THSD7A: variants seen among roughly 807,000 people sequenced by gnomAD.
The protein encoded by THSD7A is thrombospondin type 1 domain containing 7A.
In THSD7A, 96 loss-of-function variants were observed where a neutral mutation model predicts 231.3. The observed-to-expected ratio is 0.41, with a 90% CI of 0.35 to 0.49. THSD7A has a LOEUF of 0.49. Among genes scored for constraint, THSD7A ranks in the 20% least tolerant of loss-of-function variants. The probability of loss-of-function intolerance (pLI) is 0.05; values close to 1 mark genes in which losing one functional copy is unlikely to be tolerated. For synonymous variants in THSD7A, 940 were observed against 743.3 expected (o/e 1.26, Z -4.30); for missense variants, 2,290 against 2,070.2 (o/e 1.11, Z -2.06).
intron 1 of THSD7A, among the ~76,000 whole-genome samples, chr7:11,650,318 T>C (rs1018225444): frequency 8.5e-5 from 13 of 152,072 alleles, no homozygotes; most frequent in Admixed American, 4.6e-4. Flanking sequence ...TTCTGAATCT[T>C]TGATGCAACA....
intron 6 of THSD7A, among the ~76,000 whole-genome samples, chr7:11,521,983 T>C (rs764039037): frequency 2.1e-4 from 32 of 152,276 alleles, no homozygotes; most frequent in Non-Finnish European, 3.5e-4. Context: ...GTTCCTGATA[T>C]AGGATTGAGC....
At chr7:11,560,059 T>G (rs2128329221) in intron 4 of THSD7A, among the ~76,000 whole-genome samples, 1 of 152,248 alleles carries the variant, frequency 6.6e-6, no homozygotes, top group East Asian at 1.9e-4. Flanking sequence ...AGGTATTGAA[T>G]AACGTTATGT....
At chr7:11,674,575 G>T (rs1453986679) in intron 1 of THSD7A, among the ~76,000 whole-genome samples, 3 of 152,082 alleles carry the variant, frequency 2.0e-5, no homozygotes, top group Non-Finnish European at 4.4e-5. Flanking sequence ...TGCAACAAAG[G>T]AACCTGTACA....
chr7:11,426,582 AAGAAG>A lies in THSD7A; in HGVS notation c.3249+79_3249+83del, dbSNP rs1283366322. 2.9e-6 allele frequency: 4 copies of A among 1,373,634 alleles called. No homozygotes were observed. In the African/African-American group the frequency reaches 5.9e-5, roughly 20 times the overall value. The allele number at this position is 1,373,634 out of a possible 1,614,324, so 85.1% of individuals were successfully genotyped here. ...CCCTGTAAAACATAAAAGACAAAGC[AAGAAG>A]AGAAATGTATTCTCAGAAATCAGGA... On this transcript the variant is annotated intron_variant, in intron 15 of 27. Transcript: ENST00000423059.
chr7:11,809,580 A>AT (rs1043552459), intron 1 of THSD7A, among the ~76,000 whole-genome samples: 13 of 152,010 alleles, frequency 8.6e-5, no homozygotes, highest in African/African-American at 2.9e-4. Context: ...ATGAAATTTT[A>AT]TTTTTTTTGT....
At chr7:11,764,461 G>T (rs1352648011) in intron 1 of THSD7A, among the ~76,000 whole-genome samples, 1 of 151,390 alleles carries the variant, frequency 6.6e-6, no homozygotes, top group East Asian at 2.0e-4. Flanking sequence ...GGCGCCTGTT[G>T]TCCCAGCTAC....
intron 4 of THSD7A, among the ~76,000 whole-genome samples, chr7:11,572,354 G>T (rs1790674740): frequency 2.0e-5 from 3 of 152,036 alleles, no homozygotes; most frequent in African/African-American, 7.3e-5. Context: ...CCTTCCTTTT[G>T]CAATCCTCAA....
chr7:11,460,810 C>T lies in THSD7A; in HGVS notation c.2502-45G>A, dbSNP rs552490642. 668 of 1,506,362 alleles carry T rather than the reference C, an allele frequency of 4.4e-4. 7 individuals carry two copies. The South Asian group carries it at 7.4e-3, about 17-fold the overall frequency. The allele number at this position is 1,506,362 out of a possible 1,614,324, so 93.3% of individuals were successfully genotyped here. ...GCCCAGTGGGGAAGAAGCAAAAATGCCAGCAAATCACAGAGACACAGCAGC... is the reference window on the plus strand; with the variant it reads ...GCCCAGTGGGGAAGAAGCAAAAATGTCAGCAAATCACAGAGACACAGCAGC... On this transcript the variant is annotated intron_variant, in intron 10 of 27. Transcript: ENST00000423059.
intron 8 of THSD7A, among the ~76,000 whole-genome samples, chr7:11,471,668 C>T (rs13224641): frequency 0.35 from 52,453 of 151,786 alleles, 9,640 homozygotes; most frequent in Middle Eastern, 0.45. Flanking sequence ...GCTGGAATTT[C>T]CCTAATTTCT....
In THSD7A at chr7:11,541,470, C is replaced by A; in HGVS notation, c.1771G>T (p.Glu591Ter). The A allele has an allele frequency of 6.2e-7, 1 of 1,613,964 alleles. No individual in the cohort carries two copies. Among genetic ancestry groups the A allele is most frequent in the Non-Finnish European group, 8.5e-7 (1 of 1,179,886 alleles). ...TGAACTTGCGTGCCTGGACCACACT[C>A]CTTTCCGTTATCTGGCTCGCAGTTT... is the stretch of plus-strand genomic sequence containing the variant. ...LGNCEPDNGKECGPGTQVQEV... is the reference protein window; with the variant it reads ...LGNCEPDNGK The change falls in exon 6 of 28, where the codon GAG becomes TAG. Residue 591 changes from glutamate (E) to a stop codon, truncating the protein, a stop_gained. Transcript: ENST00000423059. LOFTEE classifies it high-confidence loss of function.
chr7:11,424,562 C>A (rs1257613956), intron 16 of THSD7A, 134 bp downstream of exon 16: 1 of 1,240,232 alleles, frequency 8.1e-7, no homozygotes, highest in Non-Finnish European at 1.1e-6. Context: ...TCTATGAGCA[C>A]AGATTCCCTA....
chr7:11,635,204 A>C (rs937327047), intron 2 of THSD7A, among the ~76,000 whole-genome samples: 4 of 152,220 alleles, frequency 2.6e-5, no homozygotes, highest in South Asian at 4.1e-4. Flanking sequence ...AGTTGATGAC[A>C]CTTTCAATAT....
chr7:11,755,683 T>C (rs1782650808), intron 1 of THSD7A, among the ~76,000 whole-genome samples: 1 of 152,134 alleles, frequency 6.6e-6, no homozygotes, highest in African/African-American at 2.4e-5. Flanking sequence ...CAGAAAGTCT[T>C]GGCTCTAGTG....
chr7:11,618,576 C>T (rs1034044219), intron 2 of THSD7A, among the ~76,000 whole-genome samples: 3 of 151,774 alleles, frequency 2.0e-5, no homozygotes, highest in Non-Finnish European at 2.9e-5. Context: ...CCGAGGCGGG[C>T]GGATCACGAG....
At chr7:11,473,362 T>C (rs1229145128) in intron 8 of THSD7A, among the ~76,000 whole-genome samples, 1 of 152,142 alleles carries the variant, frequency 6.6e-6, no homozygotes, top group Non-Finnish European at 1.5e-5. Context: ...TATGTTTCAT[T>C]AAATCCTTTC....
At chr7:11,381,086 G>C (rs1292599063) in intron 24 of THSD7A, among the ~76,000 whole-genome samples, 4 of 152,040 alleles carry the variant, frequency 2.6e-5, no homozygotes, top group Non-Finnish European at 5.9e-5. Context: ...GTTTAAAAAA[G>C]AATGGAGACA....
intron 1 of THSD7A, among the ~76,000 whole-genome samples, chr7:11,652,637 TAAC>T (rs946665931): frequency 6.6e-6 from 1 of 151,924 alleles, no homozygotes; most frequent in African/African-American, 2.4e-5. Context: ...TCATTTATGA[TAAC>T]AAATATACCA....
Position 11,637,123 on chromosome 7 carries a change from A to G in THSD7A, c.191-162T>C, listed in dbSNP as rs1781896922. Among the ~76,000 whole-genome samples, 1 of 152,208 alleles carries G rather than the reference A, an allele frequency of 6.6e-6. No individual in the cohort carries two copies. Among genetic ancestry groups the G allele is most frequent in the South Asian group, 2.1e-4 (1 of 4,836 alleles). ...TGTTGGAAAGTAATGATCCTCGCTA[A>G]GTATTTTTGCAAAAGGGGAACTGTG... On this transcript the variant is annotated intron_variant, in intron 1 of 27. Transcript: ENST00000423059. This position sits in a 1 kb window ranked among gnomAD's most constrained non-coding sequence, Gnocchi z 4.2.
At chr7:11,476,998 T>C (rs1786218207) in intron 7 of THSD7A, among the ~76,000 whole-genome samples, 2 of 152,126 alleles carry the variant, frequency 1.3e-5, no homozygotes, top group African/African-American at 4.8e-5. Flanking sequence ...TGTTAGTGTG[T>C]ACTTCCTATG....
Sources: gnomAD v4.1 joint callset for allele counts (sites outside exome capture counted in the v4.1 genomes callset) on GRCh38, gnomAD v4.1.1 for gene constraint, Gnocchi (gnomAD v3.1) non-coding constraint, MANE v1.5 for transcripts, NCBI Gene and HGNC (gene_info 2026-07-23, HGNC 2026-07-21) for gene names.